The following GRIK3 variants were observed in gnomAD, a reference collection of about 807,000 sequenced individuals.
GRIK3 encodes the protein glutamate ionotropic receptor kainate type subunit 3, also known as glutamate receptor ionotropic, kainate 3.
A neutral mutation model predicts 102.5 loss-of-function variants in GRIK3; 29 were observed. The ratio of observed to expected loss-of-function variants is 0.28; its 90% CI spans 0.21 to 0.39. The LOEUF (loss-of-function observed/expected upper bound fraction) is 0.39. GRIK3 is among the 10% of genes least tolerant of loss of function. The probability of loss-of-function intolerance (pLI) is 1.00; values close to 1 mark genes in which losing one functional copy is unlikely to be tolerated. For synonymous variants in GRIK3, 511 were observed against 504.9 expected (o/e 1.01, Z -0.16); for missense variants, 908 against 1,252.4 (o/e 0.73, Z 4.15).
At chr1:36,804,902 C>T in intron 15 of GRIK3, 85 bp downstream of exon 15, 1 of 1,508,088 alleles carries the variant, frequency 6.6e-7, no homozygotes, top group Non-Finnish European at 9.1e-7. Flanking sequence ...GATGAGACAC[C>T]ACTGTGTGCC....
chr1:37,001,582 G>T (rs185176008), intron 1 of GRIK3, among the ~76,000 whole-genome samples: 218 of 152,114 alleles, frequency 1.4e-3, no homozygotes, highest in African/African-American at 4.8e-3. Context: ...TTGCTCATTT[G>T]TGGGAATAGA....
chr1:36,878,381 T>C (rs1003663406), intron 3 of GRIK3, among the ~76,000 whole-genome samples: 2 of 152,242 alleles, frequency 1.3e-5, no homozygotes, highest in Non-Finnish European at 1.5e-5. Context: ...TAGCAGGAAC[T>C]CAATAGATGC....
chr1:37,034,081 T>A lies in GRIK3; in HGVS notation c.28A>T (p.Ser10Cys). 1 of 1,590,082 alleles carries A rather than the reference T, an allele frequency of 6.3e-7. No individual in the cohort carries two copies. Among genetic ancestry groups the A allele is most frequent in the African/African-American group, 1.4e-5 (1 of 72,540 alleles). Residue 10 changes from serine (S) to cysteine (C), a missense_variant, in exon 1 of 16, where the codon AGT becomes TGT. Physicochemically the swap from Ser to Cys is moderately radical, Grantham distance 112 (BLOSUM62 -1). This residue lies in a region of GRIK3 where 585 missense variants were observed against 824.9 expected (regional missense o/e 0.71). Transcript: ENST00000373091. Reference protein sequence around the residue: MTAPWRRLRSLVWEYWAGLL... With the variant: MTAPWRRLRCLVWEYWAGLL... ...CCGGCCCAGTATTCCCAAACCAGACTCCGGAGGCGCCGCCAGGGAGCGGTC... is the reference window on the plus strand; with the variant it reads ...CCGGCCCAGTATTCCCAAACCAGACACCGGAGGCGCCGCCAGGGAGCGGTC...
At chr1:37,020,451 T>C (rs1174102877) in intron 1 of GRIK3, among the ~76,000 whole-genome samples, 1 of 152,068 alleles carries the variant, frequency 6.6e-6, no homozygotes, top group Non-Finnish European at 1.5e-5. Context: ...AGGATAAAAA[T>C]ACAGAACACA....
chr1:36,831,663 G>A (rs751159408), intron 10 of GRIK3, among the ~76,000 whole-genome samples: 1 of 152,206 alleles, frequency 6.6e-6, no homozygotes, highest in African/African-American at 2.4e-5. Flanking sequence ...CGATGAAAAG[G>A]TTCTCTGTTT....
intron 1 of GRIK3, among the ~76,000 whole-genome samples, chr1:36,969,976 A>C (rs921081779): frequency 2.6e-5 from 4 of 152,204 alleles, no homozygotes; most frequent in Admixed American, 1.3e-4. Flanking sequence ...AATATATAAC[A>C]TCAGTGTTAT....
At chr1:36,973,256 T>C (rs781612735) in intron 1 of GRIK3, among the ~76,000 whole-genome samples, 1 of 152,118 alleles carries the variant, frequency 6.6e-6, no homozygotes, top group Non-Finnish European at 1.5e-5. Flanking sequence ...CCTCCCTGCG[T>C]TGGCGGCGCT....
intron 1 of GRIK3, among the ~76,000 whole-genome samples, chr1:36,949,641 C>T (rs1430095921): frequency 7.2e-6 from 1 of 139,036 alleles, no homozygotes; most frequent in African/African-American, 2.8e-5. Context: ...ATAGTGCAAC[C>T]TTGGCTCACT....
At chr1:37,026,731 C>T (rs994586233) in intron 1 of GRIK3, among the ~76,000 whole-genome samples, 1 of 152,000 alleles carries the variant, frequency 6.6e-6, no homozygotes, top group Non-Finnish European at 1.5e-5. Context: ...GTGACTTCCC[C>T]AAGGTCACAC....
chr1:36,854,061 G>A (rs1385385157), intron 7 of GRIK3, among the ~76,000 whole-genome samples: 3 of 152,192 alleles, frequency 2.0e-5, no homozygotes, highest in Admixed American at 6.5e-5. Context: ...GCAGAGTAGG[G>A]CAGGTGAGGC....
At chr1:36,938,320 G>T (rs1286749660) in intron 1 of GRIK3, among the ~76,000 whole-genome samples, 1 of 152,202 alleles carries the variant, frequency 6.6e-6, no homozygotes, top group Non-Finnish European at 1.5e-5. Context: ...GGCAATGGAG[G>T]TACATTCCCA....
chr1:36,897,342 TAAC>T (rs1641182985), intron 1 of GRIK3, among the ~76,000 whole-genome samples: 1 of 152,178 alleles, frequency 6.6e-6, no homozygotes, highest in Non-Finnish European at 1.5e-5. Context: ...TTTCTATACC[TAAC>T]AATTAACAAT....
At chr1:36,973,771 A>G (rs759023319) in intron 1 of GRIK3, among the ~76,000 whole-genome samples, 9 of 152,022 alleles carry the variant, frequency 5.9e-5, no homozygotes, top group Non-Finnish European at 1.2e-4. Flanking sequence ...AAAGCATGAA[A>G]TGAGGCATGA....
chr1:36,901,648 C>T (rs1349214282), intron 1 of GRIK3, among the ~76,000 whole-genome samples: 1 of 152,196 alleles, frequency 6.6e-6, no homozygotes, highest in East Asian at 1.9e-4. Flanking sequence ...AGCTTTCCCA[C>T]TAAAATCAGG....
chr1:36,811,058 C>T (rs1642555894), intron 13 of GRIK3, among the ~76,000 whole-genome samples: 1 of 152,218 alleles, frequency 6.6e-6, no homozygotes, highest in Non-Finnish European at 1.5e-5. Context: ...CTTCACTTTC[C>T]ATATCTGTAA....
At chr1:36,928,090 G>A (rs1641549195) in intron 1 of GRIK3, among the ~76,000 whole-genome samples, 1 of 151,894 alleles carries the variant, frequency 6.6e-6, no homozygotes, top group South Asian at 2.1e-4. Context: ...AGGCCTGTTG[G>A]CTGTGAACTG....
chr1:36,830,608 A>G (rs820653), intron 10 of GRIK3, among the ~76,000 whole-genome samples: 29,620 of 151,786 alleles, frequency 0.2, 3,534 homozygotes, highest in African/African-American at 0.33. Flanking sequence ...GCAGGAGTTC[A>G]AGACCAGCCT....
At chr1:36,905,931 C>T (rs1641279849) in intron 1 of GRIK3, among the ~76,000 whole-genome samples, 1 of 152,208 alleles carries the variant, frequency 6.6e-6, no homozygotes, top group Non-Finnish European at 1.5e-5. Context: ...TCTTCCTGGC[C>T]TCTCAGACCT....
At chr1:36,858,964 A>G in intron 7 of GRIK3, 144 bp downstream of exon 7, 1 of 717,120 alleles carries the variant, frequency 1.4e-6, no homozygotes, top group South Asian at 2.1e-5. Context: ...TTCACACGGG[A>G]AACTGAGGCT....
Sources: gnomAD v4.1 joint callset for allele counts (sites outside exome capture counted in the v4.1 genomes callset) on GRCh38, gnomAD v4.1.1 for gene constraint, gnomAD v4.1.1 regional missense constraint, MANE v1.5 for transcripts, NCBI Gene and HGNC (gene_info 2026-07-23, HGNC 2026-07-21) for gene names.